Variants in SOST observed in about 807,000 individuals in gnomAD.
SOST encodes the protein sclerostin.
A neutral mutation model predicts 16.7 loss-of-function variants in SOST; 14 were observed. That is an observed-to-expected ratio of 0.84 (90% confidence interval 0.55 to 1.31). The LOEUF (loss-of-function observed/expected upper bound fraction) is 1.31, where lower values mean the gene tolerates loss of function less well. Ranked by LOEUF, SOST falls within the 50% of genes most tolerant of loss-of-function variation. SOST has a pLI of 0.00. For synonymous variants in SOST, 150 were observed against 140.9 expected (o/e 1.06, Z -0.46); for missense variants, 291 against 310.7 (o/e 0.94, Z 0.48).
chr17:43,755,111 C>T lies in SOST; in HGVS notation c.*231G>A, dbSNP rs1305709698. 3.9e-6 allele frequency: 2 copies of T among 508,196 alleles called. No homozygotes were observed. The highest frequency in any genetic ancestry group is 4.0e-5 in the Admixed American group (1 of 25,046). 31.5% of individuals were successfully genotyped at this position (508,196 alleles called of 1,614,324 possible). A position where few individuals can be genotyped will look rare whatever the true frequency, so the allele number is the denominator to read the frequency against. ...GAGGCGGGGCTGCGTGGCTCAGTGT[C>T]TGTGACTCTCAATTCCCTCCCCTGC... On this transcript the variant is annotated 3_prime_UTR_variant, in exon 2 of 2. Transcript: ENST00000301691. This position sits in a 1 kb window ranked among gnomAD's most constrained non-coding sequence, Gnocchi z 4.3.
rs779039644 is a variant in SOST at position 43,758,599 on chromosome 17, G to A, written c.143C>T (p.Pro48Leu). 42 of 1,614,070 alleles carry A rather than the reference G, an allele frequency of 2.6e-5. No individual in the cohort carries two copies. Among genetic ancestry groups the A allele is most frequent in the Non-Finnish European group, 2.8e-5 (33 of 1,180,040 alleles). ...PELGEYPEPP[P>L]ELENNKTMNR... The stretch of plus-strand genomic sequence containing the variant: ...CATGGTCTTGTTGTTCTCCAGCTCC[G>A]GTGGAGGCTCGGGGTACTCTCCGAG... The change falls in exon 1 of 2, where the codon CCG becomes CTG. Residue 48 changes from proline (P) to leucine (L), a missense_variant. By Grantham distance (98) the Pro-to-Leu change is moderately conservative. Transcript: ENST00000301691.
Position 43,755,701 on chromosome 17 carries a change from G to T in SOST, c.283C>A (p.Arg95Ser). ...AGCTCGGTGACCGGCTTGGCGCTGC[G>T]GCACGGCCCATCGGTCACGTAGCGG... Reference protein sequence around the residue: ...FTRYVTDGPCRSAKPVTELVC... With the variant: ...FTRYVTDGPCSSAKPVTELVC... Residue 95 changes from arginine to serine, a missense_variant, in exon 2 of 2, where the codon CGC becomes AGC. Coordinates refer to ENST00000301691, the MANE Select transcript of SOST (RefSeq NM_025237.3). This position sits in a 1 kb window ranked among gnomAD's most constrained non-coding sequence, Gnocchi z 4.3. 6.4e-7 allele frequency: 1 copy of T among 1,565,410 alleles called. No homozygotes were observed. The highest frequency in any genetic ancestry group is 8.6e-7 in the Non-Finnish European group (1 of 1,164,080).
chr17:43,755,645 G>T lies in SOST; in HGVS notation c.339C>A (p.Arg113=). The change falls in exon 2 of 2, where the codon CGC becomes CGA. Residue 113 remains arginine (R), a synonymous_variant. Transcript: ENST00000301691. The surrounding 1 kb of genome is among the most constrained non-coding windows in gnomAD (Gnocchi z 4.3). ...LVCSGQCGPA[R]LLPNAIGRGK... ...CGCGGCCGATGGCGTTGGGCAGCAG[G>T]CGCGCCGGGCCGCACTGGCCGGAGC... is the stretch of plus-strand genomic sequence containing the variant. 2 of 1,571,504 alleles carry T rather than the reference G, an allele frequency of 1.3e-6. No homozygotes were observed.
intron 1 of SOST, among the ~76,000 whole-genome samples, chr17:43,757,004 C>CA (rs1974137455): frequency 6.6e-6 from 1 of 152,210 alleles, no homozygotes; most frequent in Non-Finnish European, 1.5e-5. Context: ...GGCCACCCCC[C>CA]ACCCCCACTC....
rs1356232620 is a variant in SOST, at chr17:43,755,312, C to T, written c.*30G>A. ...GGGGCGCGGGTTCAGGGCCGGGGCG[C>T]CCGCCGGTGGGGAGGGGCGCGGGCG... is the stretch of plus-strand genomic sequence containing the variant. On this transcript the variant is annotated 3_prime_UTR_variant, in exon 2 of 2. Transcript: ENST00000301691. The surrounding 1 kb of genome is among the most constrained non-coding windows in gnomAD (Gnocchi z 4.3). The T allele has an allele frequency of 1.6e-5, 24 of 1,514,244 alleles. No individual in the cohort carries two copies. The highest frequency in any genetic ancestry group is 1.8e-4 in the Middle Eastern group (1 of 5,540). 93.8% of individuals were successfully genotyped at this position (1,514,244 alleles called of 1,614,324 possible).
In SOST at chr17:43,755,751, T is replaced by C; in HGVS notation, c.233A>G (p.Tyr78Cys). ...HPFETKDVSE[Y>C]SCRELHFTRY... ...GGTGAAGTGCAGCTCGCGGCAGCTG[T>C]ACTCGGACACGTCTGTGGAGAGAGG... is the stretch of plus-strand genomic sequence containing the variant. Residue 78 changes from tyrosine to cysteine, a missense_variant, in exon 2 of 2, where the codon TAC becomes TGC. Transcript: ENST00000301691. The surrounding 1 kb of genome is among the most constrained non-coding windows in gnomAD (Gnocchi z 4.3). The C allele has an allele frequency of 6.3e-7, 1 of 1,580,856 alleles. No homozygotes were observed. The highest frequency in any genetic ancestry group is 8.5e-7 in the Non-Finnish European group (1 of 1,172,284).
At position 43,758,545 on chromosome 17, in the gene SOST, G is replaced by C; in HGVS notation, c.197C>G (p.Pro66Arg). 1 of 1,614,018 alleles carries C rather than the reference G, an allele frequency of 6.2e-7. No homozygotes were observed. Among genetic ancestry groups the C allele is most frequent in the South Asian group, 1.1e-5 (1 of 91,068 alleles). The stretch of plus-strand genomic sequence containing the variant: ...ACCTTTGGTCTCAAAGGGGTGGTGG[G>C]GAGGCCGCCCTCCGTTCTCCGCCCG... The part of the protein sequence containing the change: ...MNRAENGGRP[P>R]HHPFETKDVS... The change falls in exon 1 of 2, where the codon CCC becomes CGC. Residue 66 changes from proline to arginine, a missense_variant. Physicochemically the swap from Pro to Arg is moderately radical, Grantham distance 103. Coordinates refer to ENST00000301691, the MANE Select transcript of SOST (RefSeq NM_025237.3).
In SOST at chr17:43,758,537, G is replaced by C; in HGVS notation, c.205C>G (p.Pro69Ala). The C allele has an allele frequency of 6.2e-7, 1 of 1,613,696 alleles. No individual in the cohort carries two copies. Among genetic ancestry groups the C allele is most frequent in the Non-Finnish European group, 8.5e-7 (1 of 1,179,744 alleles). ...AENGGRPPHHPFETKDVSEYS... is the reference protein window; with the variant it reads ...AENGGRPPHHAFETKDVSEYS... ...CACCCCATACCTTTGGTCTCAAAGG[G>C]GTGGTGGGGAGGCCGCCCTCCGTTC... Residue 69 changes from proline to alanine, a missense_variant, in exon 1 of 2, where the codon CCC becomes GCC. Pro to Ala is a conservative substitution (Grantham distance 27). Transcript: ENST00000301691.
rs748258858 is a variant in SOST at position 43,758,644 on chromosome 17, G to A, written c.98C>T (p.Ala33Val). 6.2e-7 allele frequency: 1 copy of A among 1,614,130 alleles called. No homozygotes were observed. The highest frequency in any genetic ancestry group is 8.5e-7 in the Non-Finnish European group (1 of 1,180,016). ...TCCGAGCTCGGGGATGATTTCCGTGGCATCATTCTTGAACGCCTGCCACCC... is the reference window on the plus strand; with the variant it reads ...TCCGAGCTCGGGGATGATTTCCGTGACATCATTCTTGAACGCCTGCCACCC... ...GQGWQAFKND[A>V]TEIIPELGEY... The change falls in exon 1 of 2, where the codon GCC (alanine) becomes GTC (valine). Residue 33 changes from alanine to valine, a missense_variant. Ala to Val is a moderately conservative substitution (Grantham distance 64). Transcript: ENST00000301691.
At chr17:43,756,348 TA>T (rs1451938493) in intron 1 of SOST, among the ~76,000 whole-genome samples, 1 of 151,974 alleles carries the variant, frequency 6.6e-6, no homozygotes, top group Non-Finnish European at 1.5e-5. Flanking sequence ...TTGAAGGTAA[TA>T]AATCAGGGCA....
At chr17:43,757,532 A>T (rs1396632915) in intron 1 of SOST, among the ~76,000 whole-genome samples, 5 of 152,090 alleles carry the variant, frequency 3.3e-5, no homozygotes, top group African/African-American at 1.2e-4. Context: ...GAGGACAGGG[A>T]AGCTCTTAGT....
chr17:43,754,305 C>T lies in SOST; in HGVS notation c.*1037G>A, dbSNP rs1974102975. On this transcript the variant is annotated 3_prime_UTR_variant, in exon 2 of 2. Coordinates refer to ENST00000301691, the MANE Select transcript of SOST (RefSeq NM_025237.3). ...GGCCTGCAAGGCCAGTGTCCTTGAA[C>T]CTTTCACTTCTCTTCGGAAGGTGAC... 6.7e-6 allele frequency: 1 copy of T among 149,968 alleles called. No homozygotes were observed. Among genetic ancestry groups the T allele is most frequent in the Non-Finnish European group, 1.5e-5 (1 of 67,752 alleles). The allele number at this position is 149,968 out of a possible 1,614,324, so 9.3% of individuals were successfully genotyped here.
In SOST at chr17:43,754,687, T is replaced by TTCTC. The variant is rs143116043; in HGVS notation, c.*651_*654dup. 1 of 150,692 alleles carries TTCTC rather than the reference T, an allele frequency of 6.6e-6. No individual in the cohort carries two copies. Among genetic ancestry groups the TTCTC allele is most frequent in the South Asian group, 2.1e-4 (1 of 4,774 alleles). 9.3% of individuals were successfully genotyped at this position (150,692 alleles called of 1,614,324 possible). On this transcript the variant is annotated 3_prime_UTR_variant, in exon 2 of 2. Transcript: ENST00000301691. ...ATGCAACTGCATTCATTCTCTCTCTTTCTCTCTCTCTCTCTCACCTCTGCC... is the reference window on the plus strand; with the variant it reads ...ATGCAACTGCATTCATTCTCTCTCTTTCTCTCTCTCTCTCTCTCTCACCTCTGCC...
chr17:43,755,757 G>T lies in SOST; in HGVS notation c.227C>A (p.Ser76Tyr). ...PHHPFETKDV[S>Y]EYSCRELHFT... ...GTGCAGCTCGCGGCAGCTGTACTCG[G>T]ACACGTCTGTGGAGAGAGGCGCGCG... is the stretch of plus-strand genomic sequence containing the variant. Residue 76 changes from serine to tyrosine, a missense_variant, in exon 2 of 2, where the codon TCC becomes TAC. By Grantham distance (144) the Ser-to-Tyr change is moderately radical (BLOSUM62 -2). Transcript: ENST00000301691. The surrounding 1 kb of genome is among the most constrained non-coding windows in gnomAD (Gnocchi z 4.3). 2 of 1,580,308 alleles carry T rather than the reference G, an allele frequency of 1.3e-6. No homozygotes were observed. The highest frequency in any genetic ancestry group is 1.7e-6 in the Non-Finnish European group (2 of 1,172,122).
chr17:43,758,026 C>T (rs548507577), intron 1 of SOST, among the ~76,000 whole-genome samples: 8 of 152,278 alleles, frequency 5.3e-5, no homozygotes, highest in East Asian at 1.9e-4. Context: ...TCTTCCCCTT[C>T]GAGCTGGGGG....
At position 43,753,755 on chromosome 17, in the gene SOST, T is replaced by C. The variant is rs2154590399; in HGVS notation, c.*1587A>G. The C allele has an allele frequency of 6.5e-6, 1 of 152,760 alleles. No individual in the cohort carries two copies. Among genetic ancestry groups the C allele is most frequent in the African/African-American group, 2.4e-5 (1 of 41,590 alleles). The allele number at this position is 152,760 out of a possible 1,614,324, so 9.5% of individuals were successfully genotyped here. ...CCTTTCGGTCATGATTCATTGTCTT[T>C]ATTAACAATGTCTCTGGACTCTGGA... On this transcript the variant is annotated 3_prime_UTR_variant, in exon 2 of 2. Coordinates refer to ENST00000301691, the MANE Select transcript of SOST (RefSeq NM_025237.3).
intron 1 of SOST, among the ~76,000 whole-genome samples, chr17:43,757,171 C>T (rs1006303469): frequency 7.2e-5 from 11 of 152,192 alleles, no homozygotes; most frequent in East Asian, 1.9e-4. Context: ...TGCGGCTTTT[C>T]GAGAATAGCG....
Position 43,755,394 on chromosome 17 carries a change from G to A in SOST, c.590C>T (p.Pro197Leu). The A allele has an allele frequency of 1.3e-6, 2 of 1,590,014 alleles. No homozygotes were observed. The highest frequency in any genetic ancestry group is 1.4e-5 in the African/African-American group (1 of 73,254). The part of the protein sequence containing the change: ...ARPQKGRKPR[P>L]RARSAKANQA... ...GTTGGCTTTGGCGCTCCGGGCGCGG[G>A]GCCGCGGCTTCCGGCCCTTCTGCGG... The change falls in exon 2 of 2, where the codon CCC becomes CTC. Residue 197 changes from proline (P) to leucine (L), a missense_variant. Pro to Leu is a moderately conservative substitution (Grantham distance 98). Transcript: ENST00000301691. The surrounding 1 kb of genome is among the most constrained non-coding windows in gnomAD (Gnocchi z 4.3).
chr17:43,758,397 C>G (rs576314735), intron 1 of SOST, 125 bp downstream of exon 1: 2 of 773,144 alleles, frequency 2.6e-6, no homozygotes, highest in African/African-American at 3.5e-5. Flanking sequence ...GACTGTTCCT[C>G]GACCAGTGCT....
Sources: gnomAD v4.1 joint callset for allele counts (sites outside exome capture counted in the v4.1 genomes callset) on GRCh38, gnomAD v4.1.1 for gene constraint, Gnocchi (gnomAD v3.1) non-coding constraint, MANE v1.5 for transcripts, NCBI Gene and HGNC (gene_info 2026-07-23, HGNC 2026-07-21) for gene names.